ZNF280C: variants seen among roughly 807,000 people sequenced by gnomAD.
The protein encoded by ZNF280C is suppressor of hairy wing homolog 3.
ZNF280C carries 14 observed loss-of-function variants against 53.6 expected under a neutral mutation model. That is an observed-to-expected ratio of 0.26 (90% CI 0.17 to 0.41). The LOEUF (loss-of-function observed/expected upper bound fraction) is 0.41, where lower values mean the gene tolerates loss of function less well. Ranked by LOEUF, ZNF280C falls within the 10% of genes least tolerant of loss-of-function variation. The pLI, the probability that ZNF280C is intolerant of heterozygous loss-of-function variation, is 1.00. For missense variants in ZNF280C, 416 were observed against 547.1 expected (o/e 0.76, Z 2.39); for synonymous variants, 203 against 181.1 (o/e 1.12, Z -0.97).
intron 13 of ZNF280C, among the ~76,000 whole-genome samples, chrX:130,219,646 A>G (rs1358135745): frequency 9.0e-6 from 1 of 110,855 alleles, no homozygotes; most frequent in Non-Finnish European, 1.9e-5. Context: ...TAGATTAGTA[A>G]TACTAACTTC....
At chrX:130,214,590 CAG>C (rs1167289455) in intron 15 of ZNF280C, among the ~76,000 whole-genome samples, 2 of 111,252 alleles carry the variant, frequency 1.8e-5, no homozygotes, top group African/African-American at 3.3e-5. Context: ...TCCAAATCTG[CAG>C]AGACTCAAGT....
At chrX:130,212,829 A>C (rs1251353659) in intron 15 of ZNF280C, among the ~76,000 whole-genome samples, 2 of 111,567 alleles carry the variant, frequency 1.8e-5, no homozygotes, top group African/African-American at 6.5e-5. Context: ...GAAGGTCCAA[A>C]ATAATGAAAT....
chrX:130,259,358 T>C (rs1779163945), intron 2 of ZNF280C, among the ~76,000 whole-genome samples: 2 of 112,377 alleles, frequency 1.8e-5, no homozygotes, highest in Non-Finnish European at 3.8e-5. Flanking sequence ...GAGACTCATA[T>C]ATACTGATGA....
At chrX:130,259,564 G>GA (rs2032608483) in intron 2 of ZNF280C, among the ~76,000 whole-genome samples, 1 of 112,301 alleles carries the variant, frequency 8.9e-6, no homozygotes, top group African/African-American at 3.2e-5. Flanking sequence ...TCTATGCACA[G>GA]AAAAAAGTTT....
At chrX:130,262,144 C>G (rs776395582) in intron 1 of ZNF280C, among the ~76,000 whole-genome samples, 4 of 112,000 alleles carry the variant, frequency 3.6e-5, no homozygotes, top group Non-Finnish European at 7.5e-5. Context: ...TCAATTGGTA[C>G]GCTCATAAAT....
intron 15 of ZNF280C, among the ~76,000 whole-genome samples, chrX:130,211,871 A>G (rs181214229): frequency 1.8e-5 from 2 of 112,292 alleles, no homozygotes; most frequent in Admixed American, 9.5e-5. Context: ...AGTAATGCCA[A>G]AAATATTTTC....
intron 12 of ZNF280C, among the ~76,000 whole-genome samples, chrX:130,222,718 G>T (rs1237409879): frequency 8.9e-6 from 1 of 112,211 alleles, no homozygotes; most frequent in Non-Finnish European, 1.9e-5. Flanking sequence ...AGGCTGGAGT[G>T]CAATGGCACA....
At chrX:130,232,804 C>CG (rs1264245668) in intron 8 of ZNF280C, among the ~76,000 whole-genome samples, 2 of 111,859 alleles carry the variant, frequency 1.8e-5, no homozygotes, top group Non-Finnish European at 3.8e-5. Flanking sequence ...ATAGAACTAC[C>CG]ATATGATCCA....
intron 14 of ZNF280C, 111 bp downstream of exon 14, chrX:130,215,679 CT>C: frequency 1.3e-6 from 1 of 781,490 alleles, no homozygotes; most frequent in Non-Finnish European, 1.8e-6. Flanking sequence ...TTTGCTTGGT[CT>C]TTATGCCAGA....
chrX:130,245,989 G>A (rs1308343448), intron 3 of ZNF280C, among the ~76,000 whole-genome samples: 1 of 110,954 alleles, frequency 9.0e-6, no homozygotes, highest in Non-Finnish European at 1.9e-5. Context: ...GTTTCACCAT[G>A]TTGGCCAGGC....
At chrX:130,209,805 T>C (rs1422117488) in intron 15 of ZNF280C, 90 bp from the exon 16 acceptor site, 12 of 701,839 alleles carry the variant, frequency 1.7e-5, no homozygotes, top group Middle Eastern at 3.4e-4. Context: ...CAATGCTTAA[T>C]TTCTTAGTTT....
chrX:130,243,629 C>T lies in ZNF280C; in HGVS notation c.315G>A (p.Ser105=), dbSNP rs756269864. ...ATTTAGATACAAGATGAAATCTAGG[C>T]GAGGCAGCCACTGGATTTGATGGTG... is the stretch of plus-strand genomic sequence containing the variant. ...RDPPSNPVAA[S]PRFHLVSKSS... The change falls in exon 5 of 19, where the codon TCG becomes TCA. Residue 105 remains serine (S), a synonymous_variant. Transcript: ENST00000370978. The T allele has an allele frequency of 3.3e-6, 4 of 1,208,742 alleles. No individual in the cohort carries two copies. Among genetic ancestry groups the T allele is most frequent in the African/African-American group, 1.7e-5 (1 of 57,274 alleles).
At chrX:130,220,294 TA>T (rs2032150676) in intron 13 of ZNF280C, 54 bp downstream of exon 13, 9 of 1,042,375 alleles carry the variant, frequency 8.6e-6, no homozygotes, top group Middle Eastern at 3.1e-4. Flanking sequence ...AAAAAAAACA[TA>T]AAAAAATTAA....
intron 9 of ZNF280C, 27 bp downstream of exon 9, chrX:130,230,483 C>T: frequency 9.3e-7 from 1 of 1,073,516 alleles, no homozygotes; most frequent in Non-Finnish European, 1.3e-6. Context: ...AACTTTCAAA[C>T]AGAAATAAAA....
At chrX:130,232,716 A>T (rs769665988) in intron 8 of ZNF280C, among the ~76,000 whole-genome samples, 1 of 112,163 alleles carries the variant, frequency 8.9e-6, no homozygotes, top group African/African-American at 3.2e-5. Context: ...AAAAACGGGA[A>T]CCATTTTACA....
At chrX:130,255,151 T>C (rs1413450909) in intron 2 of ZNF280C, among the ~76,000 whole-genome samples, 3 of 100,757 alleles carry the variant, frequency 3.0e-5, no homozygotes, top group East Asian at 3.0e-4. Context: ...CTTTTTTTTT[T>C]TTTTTTTGAG....
intron 5 of ZNF280C, among the ~76,000 whole-genome samples, chrX:130,241,633 T>C (rs762339070): frequency 9.1e-4 from 101 of 111,466 alleles, no homozygotes; most frequent in Non-Finnish European, 1.7e-3. Context: ...GGCATGGTGG[T>C]GCATGCCTGT....
chrX:130,216,161 A>T (rs1285734913), intron 13 of ZNF280C, 60 bp from the exon 14 acceptor site: 1 of 1,002,154 alleles, frequency 1.0e-6, no homozygotes, highest in Middle Eastern at 2.7e-4. Context: ...AGTATTAAAA[A>T]TATCATTGTA....
intron 18 of ZNF280C, 25 bp downstream of exon 18, chrX:130,205,092 T>A (rs369733230): frequency 4.1e-5 from 49 of 1,182,723 alleles, no homozygotes; most frequent in African/African-American, 1.1e-4. Flanking sequence ...CAAAGCAAAA[T>A]GCACTGAAGG....
Sources: gnomAD v4.1 joint callset for allele counts (sites outside exome capture counted in the v4.1 genomes callset) on GRCh38, gnomAD v4.1.1 for gene constraint, MANE v1.5 for transcripts, NCBI Gene and HGNC (gene_info 2026-07-23, HGNC 2026-07-21) for gene names.